The following DNASE1 variants were observed in gnomAD, a reference collection of about 807,000 sequenced individuals.
DNASE1 encodes the protein deoxyribonuclease 1.
DNASE1 carries 40 observed loss-of-function variants against 33.9 expected under a neutral mutation model. That is an observed-to-expected ratio of 1.18 (90% CI 0.92 to 1.54). The LOEUF is 1.54. Ranked by LOEUF, DNASE1 falls within the 40% of genes most tolerant of loss-of-function variation. DNASE1 has a pLI of 0.00. For synonymous variants in DNASE1, 216 were observed against 160.0 expected (o/e 1.35, Z -2.64); for missense variants, 518 against 372.6 (o/e 1.39, Z -3.21).
chr16:3,616,831 G>T (rs1443810368), intron 1 of DNASE1, among the ~76,000 whole-genome samples: 2 of 152,114 alleles, frequency 1.3e-5, no homozygotes, highest in African/African-American at 4.8e-5. Context: ...TGAGAGTCTA[G>T]AAATAAACCC....
intron 1 of DNASE1, among the ~76,000 whole-genome samples, chr16:3,619,447 T>C (rs570327292): frequency 6.6e-6 from 1 of 151,940 alleles, no homozygotes; most frequent in South Asian, 2.1e-4. Flanking sequence ...CTGCAAGCTC[T>C]GCCTCCCAGT....
chr16:3,629,292 A>T (rs183800303), intron 1 of DNASE1, among the ~76,000 whole-genome samples: 81 of 150,776 alleles, frequency 5.4e-4, no homozygotes, highest in Middle Eastern at 3.4e-3. Context: ...GAATGTTTTC[A>T]TTTTGAGAGG....
chr16:3,661,931 A>G (rs569139730), downstream of DNASE1: 1 of 1,529,992 alleles, frequency 6.5e-7, no homozygotes, highest in East Asian at 2.3e-5. Flanking sequence ...AAAGAACACC[A>G]CACACAGGAT....
At chr16:3,648,076 G>A (rs2042224532) in intron 1 of DNASE1, among the ~76,000 whole-genome samples, 1 of 152,174 alleles carries the variant, frequency 6.6e-6, no homozygotes, top group Admixed American at 6.6e-5. Flanking sequence ...GCTGAGGGAG[G>A]AGAATTGCTC....
In DNASE1 at chr16:3,655,893, C is replaced by G. The variant is rs772395988; in HGVS notation, c.192C>G (p.Asp64Glu). ...TCGCCCTGGTCCAGGAGGTCAGAGA[C>G]AGCCACCTGACTGCCGTGGGGAAGC... ...YDIALVQEVR[D>E]SHLTAVGKLL... The change falls in exon 3 of 9, where the codon GAC becomes GAG. Residue 64 changes from aspartate to glutamate, a missense_variant. By Grantham distance (45) the Asp-to-Glu change is conservative. Coordinates refer to ENST00000246949, the MANE Select transcript of DNASE1 (RefSeq NM_005223.4). 3.7e-5 allele frequency: 60 copies of G among 1,613,920 alleles called. 1 individual carries two copies. Among genetic ancestry groups the G allele is most frequent in the Non-Finnish European group, 4.7e-5 (56 of 1,180,028 alleles).
At chr16:3,649,626 T>G (rs1415583477) in intron 1 of DNASE1, among the ~76,000 whole-genome samples, 1 of 152,226 alleles carries the variant, frequency 6.6e-6, no homozygotes, top group African/African-American at 2.4e-5. Flanking sequence ...GATCAGAAGC[T>G]TCACACTTTC....
intron 1 of DNASE1, among the ~76,000 whole-genome samples, chr16:3,645,176 TACC>T (rs1436540414): frequency 6.6e-6 from 1 of 152,080 alleles, no homozygotes; most frequent in Non-Finnish European, 1.5e-5. Context: ...CCCTTGCAAC[TACC>T]ACCACAACCA....
chr16:3,655,717 G>T, intron 2 of DNASE1, 132 bp from the exon 3 acceptor site: 1 of 1,399,338 alleles, frequency 7.1e-7, no homozygotes, highest in Non-Finnish European at 1.0e-6. Context: ...GGCAGCAGGA[G>T]CCCAGGCAGA....
At chr16:3,656,780 G>T in intron 5 of DNASE1, 27 bp downstream of exon 5, 1 of 1,577,156 alleles carries the variant, frequency 6.3e-7, no homozygotes, top group Non-Finnish European at 8.6e-7. Flanking sequence ...CCAGGGTGGG[G>T]CTCGGCTTGG....
chr16:3,660,523 C>G (rs1461862189), downstream of DNASE1: 1 of 152,098 alleles, frequency 6.6e-6, no homozygotes, highest in Non-Finnish European at 1.5e-5. Context: ...AGCTATCTCA[C>G]AAAACTAGTT....
intron 1 of DNASE1, among the ~76,000 whole-genome samples, chr16:3,648,312 C>A (rs2042232898): frequency 1.3e-5 from 2 of 152,014 alleles, no homozygotes; most frequent in Admixed American, 6.6e-5. Context: ...CCTGTAATCC[C>A]AGCACTTTGG....
At chr16:3,622,232 A>C (rs1194497153) in intron 1 of DNASE1, among the ~76,000 whole-genome samples, 1 of 150,662 alleles carries the variant, frequency 6.6e-6, no homozygotes, top group Non-Finnish European at 1.5e-5. Context: ...AAAAAAAAAA[A>C]CGGAGGCTGA....
At chr16:3,613,523 A>G (rs2040983835) in intron 1 of DNASE1, among the ~76,000 whole-genome samples, 1 of 152,176 alleles carries the variant, frequency 6.6e-6, no homozygotes, top group Admixed American at 6.6e-5. Context: ...AAACCTTCCA[A>G]GAGGTTTTCC....
chr16:3,616,636 A>T (rs539032759), intron 1 of DNASE1, among the ~76,000 whole-genome samples: 3 of 132,224 alleles, frequency 2.3e-5, no homozygotes, highest in South Asian at 4.5e-4. Context: ...AATAAATTAA[A>T]TAAATAAATA....
At chr16:3,614,913 C>T (rs752745720) in intron 1 of DNASE1, among the ~76,000 whole-genome samples, 2 of 152,166 alleles carry the variant, frequency 1.3e-5, no homozygotes, top group Non-Finnish European at 1.5e-5. Flanking sequence ...ATTTAAATCT[C>T]TTAGAGTCCT....
chr16:3,618,621 C>G (rs896357220), intron 1 of DNASE1, among the ~76,000 whole-genome samples: 1 of 152,054 alleles, frequency 6.6e-6, no homozygotes, highest in Non-Finnish European at 1.5e-5. Context: ...CCCAACTACT[C>G]GGGAGGCTGA....
chr16:3,656,370 C>T (rs928463906), intron 4 of DNASE1, among the ~76,000 whole-genome samples, 185 bp downstream of exon 4: 44 of 149,862 alleles, frequency 2.9e-4, no homozygotes, highest in African/African-American at 8.8e-4. Context: ...CTGGCTCCCC[C>T]GCCCTCCTGT....
intron 1 of DNASE1, among the ~76,000 whole-genome samples, chr16:3,622,213 GAAAA>G (rs56171298): frequency 1.2e-4 from 8 of 68,266 alleles, no homozygotes; most frequent in East Asian, 8.5e-4. Context: ...GAGCAAGACT[GAAAA>G]AAAAAAAAAA....
chr16:3,623,720 G>A (rs528381905), intron 1 of DNASE1, among the ~76,000 whole-genome samples: 59 of 152,032 alleles, frequency 3.9e-4, no homozygotes, highest in African/African-American at 1.3e-3. Context: ...GATCACTTGA[G>A]GCCAGGAATT....
Sources: gnomAD v4.1 joint callset for allele counts (sites outside exome capture counted in the v4.1 genomes callset) on GRCh38, gnomAD v4.1.1 for gene constraint, MANE v1.5 for transcripts, NCBI Gene and HGNC (gene_info 2026-07-23, HGNC 2026-07-21) for gene names.